CNTN5: variants seen among roughly 807,000 people sequenced by gnomAD.
CNTN5 encodes the protein contactin 5.
Under a neutral mutation model 129.1 loss-of-function variants are expected in CNTN5, and 77 were observed. The ratio of observed to expected loss-of-function variants is 0.60; its 90% CI spans 0.50 to 0.72. The LOEUF (loss-of-function observed/expected upper bound fraction) is 0.72. Ranked by LOEUF, CNTN5 falls within the 30% of genes least tolerant of loss-of-function variation. CNTN5 has a pLI of 0.00. For synonymous variants in CNTN5, 509 were observed against 465.6 expected, an observed-to-expected ratio of 1.09 and a Z score of -1.20; for missense variants, 1,478 against 1,328.8, an observed-to-expected ratio of 1.11 and a Z score of -1.75.
intron 1 of CNTN5, among the ~76,000 whole-genome samples, chr11:99,212,846 G>T (rs184080052): frequency 2.6e-5 from 4 of 152,090 alleles, no homozygotes; most frequent in Admixed American, 2.6e-4. Flanking sequence ...CCTTATAAAT[G>T]AAGCCCCAAG....
chr11:100,341,298 AC>A, intron 23 of CNTN5, 93 bp downstream of exon 23: 1 of 870,352 alleles, frequency 1.1e-6, no homozygotes, highest in East Asian at 2.5e-5. Flanking sequence ...AGACCCATTA[AC>A]CAACCTATTT....
At chr11:99,203,155 C>G (rs1348202593) in intron 1 of CNTN5, among the ~76,000 whole-genome samples, 4 of 152,108 alleles carry the variant, frequency 2.6e-5, no homozygotes, top group African/African-American at 2.4e-5. Context: ...ATAAGAATAA[C>G]TCTTACCCTA....
At chr11:100,078,663 T>C (rs893672107) in intron 13 of CNTN5, among the ~76,000 whole-genome samples, 1 of 152,174 alleles carries the variant, frequency 6.6e-6, no homozygotes, top group Non-Finnish European at 1.5e-5. Flanking sequence ...ATTTATTATC[T>C]TACTAAATTA....
At chr11:99,730,835 A>T (rs1050245708) in intron 3 of CNTN5, among the ~76,000 whole-genome samples, 1 of 152,182 alleles carries the variant, frequency 6.6e-6, no homozygotes, top group Non-Finnish European at 1.5e-5. Context: ...GAGATACACA[A>T]TATATTGTTT....
At chr11:99,722,178 A>G (rs1943194810) in intron 3 of CNTN5, among the ~76,000 whole-genome samples, 1 of 152,184 alleles carries the variant, frequency 6.6e-6, no homozygotes, top group African/African-American at 2.4e-5. Context: ...AGATATATGC[A>G]TGTGAATGTT....
chr11:99,488,241 C>T (rs1291713211), intron 2 of CNTN5, among the ~76,000 whole-genome samples: 3 of 146,462 alleles, frequency 2.0e-5, no homozygotes, highest in South Asian at 2.3e-4. Context: ...GGCGCGATCT[C>T]GGCTCACTGG....
rs1954996568 is a variant in CNTN5, at chr11:99,711,705, C to T, written c.56-107839C>T. 3.3e-5 allele frequency among the ~76,000 whole-genome samples: 5 copies of T among 151,986 alleles called. No homozygotes were observed. In the South Asian group the frequency reaches 1.0e-3, roughly 31 times the overall value. On this transcript the variant is annotated intron_variant, in intron 3 of 24. Coordinates refer to ENST00000524871, the MANE Select transcript of CNTN5 (RefSeq NM_014361.4). ...GTCCATGTATTCTCACTGTTAAACT[C>T]CCACTTATGAGTGAGACCATGCGGT...
chr11:99,727,178 C>G, intron 3 of CNTN5, among the ~76,000 whole-genome samples: 1 of 148,396 alleles, frequency 6.7e-6, no homozygotes. Flanking sequence ...CGGTGGCGGG[C>G]GCCTGTAGTC....
In CNTN5 at chr11:99,993,542, A is replaced by G. The variant is rs183786463; in HGVS notation, c.878-8492A>G. Among the ~76,000 whole-genome samples the G allele has an allele frequency of 1.4e-4, 21 of 152,264 alleles. No homozygotes were observed. In the East Asian group the frequency reaches 3.7e-3, roughly 27 times the overall value. On this transcript the variant is annotated intron_variant, in intron 8 of 24. Coordinates refer to ENST00000524871, the MANE Select transcript of CNTN5 (RefSeq NM_014361.4). ...TCAGACCATCAGGCTTTAGATTCTCATAAGGATTATGCAGCCTAGCTCCCT... is the reference window on the plus strand; with the variant it reads ...TCAGACCATCAGGCTTTAGATTCTCGTAAGGATTATGCAGCCTAGCTCCCT...
At chr11:100,085,831 T>C (rs1411724778) in intron 13 of CNTN5, among the ~76,000 whole-genome samples, 1 of 151,992 alleles carries the variant, frequency 6.6e-6, no homozygotes, top group East Asian at 1.9e-4. Flanking sequence ...TACTGTACCA[T>C]ACAAAAAACT....
intron 13 of CNTN5, among the ~76,000 whole-genome samples, chr11:100,170,098 T>C (rs895417101): frequency 1.6e-4 from 25 of 152,130 alleles, no homozygotes; most frequent in Admixed American, 2.6e-4. Flanking sequence ...TAGTAGCTAA[T>C]ATGTTTAATG....
At chr11:99,910,514 A>C (rs893957837) in intron 6 of CNTN5, among the ~76,000 whole-genome samples, 1 of 152,214 alleles carries the variant, frequency 6.6e-6, no homozygotes, top group Non-Finnish European at 1.5e-5. Flanking sequence ...ATTGAAGATT[A>C]TTTTAAAATT....
intron 21 of CNTN5, among the ~76,000 whole-genome samples, chr11:100,326,124 T>A (rs73565634): frequency 0.012 from 1,791 of 152,288 alleles, 42 homozygotes; most frequent in African/African-American, 0.041. Context: ...TTGATAGTAT[T>A]AACTATTTAA....
chr11:100,071,340 C>T (rs1943914383), intron 11 of CNTN5, among the ~76,000 whole-genome samples: 1 of 152,088 alleles, frequency 6.6e-6, no homozygotes, highest in Admixed American at 6.6e-5. Context: ...GTCTTTTCTA[C>T]TATATGAATC....
chr11:100,309,171 A>G (rs1478334186), intron 21 of CNTN5: 14 of 984,958 alleles, frequency 1.4e-5, no homozygotes, highest in Non-Finnish European at 1.7e-5. Context: ...TCTAAAAGAA[A>G]AAAAGAATTA....
In CNTN5 at chr11:100,061,199, T is replaced by G. The variant is rs1943460700; in HGVS notation, c.981-13T>G. 2 of 1,595,704 alleles carry G rather than the reference T, an allele frequency of 1.3e-6. No individual in the cohort carries two copies. The highest frequency in any genetic ancestry group is 2.7e-5 in the African/African-American group (2 of 74,594). On this transcript the variant is annotated splice_polypyrimidine_tract_variant and intron_variant, in intron 9 of 24. Coordinates refer to ENST00000524871, the MANE Select transcript of CNTN5 (RefSeq NM_014361.4). ...GGAGAGTGTATTAACAGTATTTTTG[T>G]TCCCTATCGTAGCCCCGTTCCAACA... is the stretch of plus-strand genomic sequence containing the variant.
intron 9 of CNTN5, among the ~76,000 whole-genome samples, chr11:100,019,679 A>T (rs145700869): frequency 6.6e-6 from 1 of 151,992 alleles, no homozygotes; most frequent in Non-Finnish European, 1.5e-5. Flanking sequence ...TAAAATGCTG[A>T]TTTCAATTCT....
intron 3 of CNTN5, among the ~76,000 whole-genome samples, chr11:99,623,645 G>A (rs1160281650): frequency 6.6e-6 from 1 of 150,588 alleles, no homozygotes; most frequent in East Asian, 2.0e-4. Flanking sequence ...TGTCATATGA[G>A]TTGAGAAAAG....
At chr11:99,940,797 G>A (rs1317789640) in intron 7 of CNTN5, among the ~76,000 whole-genome samples, 1 of 152,020 alleles carries the variant, frequency 6.6e-6, no homozygotes, top group African/African-American at 2.4e-5. Flanking sequence ...GTATTTTTCT[G>A]CAGATAGATT....
Sources: allele counts gnomAD v4.1 joint callset (sites outside exome capture counted in the v4.1 genomes callset), GRCh38; gene constraint gnomAD v4.1.1; transcripts MANE v1.5; gene names NCBI Gene and HGNC (gene_info 2026-07-23, HGNC 2026-07-21).